The following ACACB variants were observed in gnomAD, a reference collection of about 807,000 sequenced individuals.
ACACB encodes acetyl-CoA carboxylase beta.
A neutral mutation model predicts 278.8 loss-of-function variants in ACACB; 209 were observed. The ratio of observed to expected loss-of-function variants is 0.75; its 90% confidence interval spans 0.67 to 0.84. The LOEUF is 0.84. Ranked by LOEUF, ACACB falls within the 40% of genes least tolerant of loss-of-function variation. The pLI is 0.00. For missense variants in ACACB, 2,850 were observed against 3,269.0 expected, an observed-to-expected ratio of 0.87 and a Z score of 3.13; for synonymous variants, 1,174 against 1,285.6, an observed-to-expected ratio of 0.91 and a Z score of 1.86.
chr12:109,201,828 G>A (rs543752624), intron 19 of ACACB, 127 bp downstream of exon 19: 42 of 1,298,792 alleles, frequency 3.2e-5, no homozygotes, highest in East Asian at 1.2e-4. Flanking sequence ...GACAGAGCTC[G>A]TCGCAGCAGC....
chr12:109,247,127 T>A (rs543407236), intron 39 of ACACB, among the ~76,000 whole-genome samples: 1 of 151,518 alleles, frequency 6.6e-6, no homozygotes, highest in Non-Finnish European at 1.5e-5. Context: ...GATACCAGCT[T>A]GCCATAAAAG....
At chr12:109,178,998 C>T (rs1349146895) in intron 9 of ACACB, 90 bp from the exon 10 acceptor site, 6 of 1,217,506 alleles carry the variant, frequency 4.9e-6, no homozygotes, top group Non-Finnish European at 7.1e-6. Context: ...CACATCACTG[C>T]GTTTGTTTTA....
intron 45 of ACACB, among the ~76,000 whole-genome samples, chr12:109,257,514 A>G (rs2047259594): frequency 6.6e-6 from 1 of 152,104 alleles, no homozygotes; most frequent in Admixed American, 6.6e-5. Context: ...TCCAAGTGCA[A>G]CTTGATGTCT....
At chr12:109,193,051 G>C (rs1322144820) in intron 15 of ACACB, among the ~76,000 whole-genome samples, 1 of 152,134 alleles carries the variant, frequency 6.6e-6, no homozygotes, top group African/African-American at 2.4e-5. Flanking sequence ...CCGAAGGCAG[G>C]ATCCCATATG....
At chr12:109,218,049 G>A (rs996371662) in intron 24 of ACACB, among the ~76,000 whole-genome samples, 1 of 152,216 alleles carries the variant, frequency 6.6e-6, no homozygotes, top group African/African-American at 2.4e-5. Flanking sequence ...GCTCCTAAAT[G>A]TAGAGCCAGG....
intron 27 of ACACB, 26 bp downstream of exon 27, chr12:109,223,930 G>T: frequency 6.3e-7 from 1 of 1,592,444 alleles, no homozygotes; most frequent in Non-Finnish European, 8.6e-7. Context: ...CCAGAGAACA[G>T]CACTGACCAT....
chr12:109,225,182 C>T (rs2046279818), intron 27 of ACACB, among the ~76,000 whole-genome samples: 1 of 152,214 alleles, frequency 6.6e-6, no homozygotes, highest in African/African-American at 2.4e-5. Context: ...TTGTTAGAGA[C>T]AGGTCTTGCC....
At chr12:109,251,774 A>G (rs1269774365) in intron 41 of ACACB, among the ~76,000 whole-genome samples, 2 of 152,230 alleles carry the variant, frequency 1.3e-5, no homozygotes, top group Admixed American at 6.5e-5. Context: ...AGAGCTGCAC[A>G]CAAGCCTCTT....
chr12:109,208,217 ATT>A (rs36059668), intron 20 of ACACB, among the ~76,000 whole-genome samples: 108 of 138,824 alleles, frequency 7.8e-4, no homozygotes, highest in Admixed American at 8.0e-4. Context: ...CCATTGCAAC[ATT>A]TTTTTTTTTT....
chr12:109,157,699 G>A (rs891815778), intron 2 of ACACB, among the ~76,000 whole-genome samples: 4 of 152,200 alleles, frequency 2.6e-5, no homozygotes, highest in Non-Finnish European at 5.9e-5. Flanking sequence ...TCTGGAGTTG[G>A]GAGGCATTTG....
intron 2 of ACACB, among the ~76,000 whole-genome samples, chr12:109,155,862 C>T (rs995641069): frequency 6.6e-6 from 1 of 152,118 alleles, no homozygotes; most frequent in Admixed American, 6.5e-5. Context: ...TATTGGACTG[C>T]AGCCTGCTCA....
intron 36 of ACACB, chr12:109,242,009 T>C (rs555993141): frequency 6.4e-6 from 1 of 156,216 alleles, no homozygotes; most frequent in South Asian, 2.0e-4. Flanking sequence ...AGTTGCAAAA[T>C]TAGTACAGAA....
intron 45 of ACACB, among the ~76,000 whole-genome samples, chr12:109,256,738 C>T (rs894731673): frequency 1.3e-5 from 2 of 152,200 alleles, no homozygotes; most frequent in Non-Finnish European, 2.9e-5. Flanking sequence ...TCATCATTTA[C>T]CACTCATTCC....
At chr12:109,180,162 A>G (rs1593481966) in intron 11 of ACACB, 75 bp downstream of exon 11, 2 of 1,475,248 alleles carry the variant, frequency 1.4e-6, no homozygotes, top group Middle Eastern at 2.5e-4. Context: ...CCATTAGTCC[A>G]TCCCGCCCAT....
chr12:109,184,895 A>G (rs553440136), intron 11 of ACACB, among the ~76,000 whole-genome samples: 7 of 152,038 alleles, frequency 4.6e-5, no homozygotes, highest in African/African-American at 1.4e-4. Flanking sequence ...TTTTTTCTGT[A>G]GAGATCGGGT....
chr12:109,193,261 A>T (rs1227058470), intron 15 of ACACB, among the ~76,000 whole-genome samples: 1 of 145,926 alleles, frequency 6.9e-6, no homozygotes, highest in Non-Finnish European at 1.5e-5. Flanking sequence ...TCTGTCACAC[A>T]GGCTGGAGTG....
chr12:109,209,989 GTATA>G (rs545507350), intron 21 of ACACB, among the ~76,000 whole-genome samples: 1 of 98,558 alleles, frequency 1.0e-5, no homozygotes, highest in African/African-American at 5.7e-5. Context: ...ACACGTGTGT[GTATA>G]TATGTGTATA....
At chr12:109,187,801 T>TA (rs1481173778) in intron 12 of ACACB, among the ~76,000 whole-genome samples, 198 bp from the exon 13 acceptor site, 1 of 152,118 alleles carries the variant, frequency 6.6e-6, no homozygotes, top group Non-Finnish European at 1.5e-5. Context: ...ATAAGAATTA[T>TA]AGGCATTGAG....
chr12:109,243,822 C>T (rs1457022610), intron 37 of ACACB, among the ~76,000 whole-genome samples: 1 of 151,556 alleles, frequency 6.6e-6, no homozygotes, highest in Non-Finnish European at 1.5e-5. Flanking sequence ...GCCTGAACCA[C>T]TGACATTGGT....
Sources: gnomAD v4.1 joint callset for allele counts (sites outside exome capture counted in the v4.1 genomes callset) on GRCh38, gnomAD v4.1.1 for gene constraint, MANE v1.5 for transcripts, NCBI Gene and HGNC (gene_info 2026-07-23, HGNC 2026-07-21) for gene names.